Variants in NEGR1 observed in about 807,000 individuals in gnomAD.
The protein encoded by NEGR1 is IgLON family member 4.
NEGR1 carries 10 observed loss-of-function variants against 40.9 expected under a neutral mutation model. The observed-to-expected ratio is 0.24, with a 90% CI of 0.15 to 0.42. NEGR1 has a LOEUF of 0.42. Ranked by LOEUF, NEGR1 falls within the 10% of genes least tolerant of loss-of-function variation. The probability of loss-of-function intolerance (pLI) is 1.00; values close to 1 mark genes in which losing one functional copy is unlikely to be tolerated. For synonymous variants in NEGR1, 185 were observed against 166.8 expected (o/e 1.11, Z -0.84); for missense variants, 352 against 438.9 (o/e 0.80, Z 1.77).
At chr1:72,213,004 T>C (rs548921959) in intron 1 of NEGR1, among the ~76,000 whole-genome samples, 1 of 151,248 alleles carries the variant, frequency 6.6e-6, no homozygotes, top group African/African-American at 2.4e-5. Flanking sequence ...GGTTATGGAG[T>C]AGGGGTGAGA....
intron 1 of NEGR1, among the ~76,000 whole-genome samples, chr1:72,151,365 A>G (rs1651117816): frequency 6.6e-6 from 1 of 151,654 alleles, no homozygotes; most frequent in Non-Finnish European, 1.5e-5. Flanking sequence ...CAACGGAGAT[A>G]TAATGTTTTT....
chr1:72,233,131 G>T lies in NEGR1; in HGVS notation c.176+49188C>A, dbSNP rs750496440. 6.4e-4 allele frequency among the ~76,000 whole-genome samples: 98 copies of T among 152,028 alleles called. 1 individual carries two copies. The highest frequency in any genetic ancestry group is 7.9e-4 in the Non-Finnish European group (54 of 68,000). ...AAGGTAATACAGCTTCTATACCCAA[G>T]GAAATGAAAACACACAATAAGAAAA... is the stretch of plus-strand genomic sequence containing the variant. On this transcript the variant is annotated intron_variant, in intron 1 of 6. Transcript: ENST00000357731.
In NEGR1 at chr1:71,621,766, G is replaced by A. The variant is rs112444634; in HGVS notation, c.668-10620C>T. Among the ~76,000 whole-genome samples, 268 of 151,908 alleles carry A rather than the reference G, an allele frequency of 1.8e-3. 1 individual carries two copies. The highest frequency in any genetic ancestry group is 6.3e-3 in the African/African-American group (261 of 41,488). On this transcript the variant is annotated intron_variant, in intron 4 of 6. Coordinates refer to ENST00000357731, the MANE Select transcript of NEGR1 (RefSeq NM_173808.3). ...TTAACCTAAGAGATTATTTTCCTAA[G>A]ATCAAGTTCAATGTTATTATATTCA...
At chr1:72,257,889 A>G (rs1655327058) in intron 1 of NEGR1, among the ~76,000 whole-genome samples, 1 of 152,228 alleles carries the variant, frequency 6.6e-6, no homozygotes, top group Non-Finnish European at 1.5e-5. Context: ...TAAATCTCTG[A>G]ACATTCTGTG....
intron 1 of NEGR1, among the ~76,000 whole-genome samples, chr1:72,210,499 T>C (rs1342407982): frequency 6.6e-6 from 1 of 151,936 alleles, no homozygotes; most frequent in Non-Finnish European, 1.5e-5. Flanking sequence ...GAATAACTGA[T>C]GGAAAAAATC....
chr1:71,869,157 C>A (rs1020744003), intron 2 of NEGR1, among the ~76,000 whole-genome samples: 2 of 152,042 alleles, frequency 1.3e-5, no homozygotes, highest in African/African-American at 4.8e-5. Flanking sequence ...ATATTTAATA[C>A]CAACTACCTG....
At chr1:71,902,283 G>A (rs1570481592) in intron 2 of NEGR1, among the ~76,000 whole-genome samples, 1 of 152,106 alleles carries the variant, frequency 6.6e-6, no homozygotes, top group Non-Finnish European at 1.5e-5. Context: ...TGTGCTTTTA[G>A]TCTAAAGACA....
chr1:71,895,364 T>A (rs1660940910), intron 2 of NEGR1, among the ~76,000 whole-genome samples: 1 of 152,188 alleles, frequency 6.6e-6, no homozygotes, highest in Non-Finnish European at 1.5e-5. Flanking sequence ...GTGTGCACAA[T>A]TCAAAAGTTT....
chr1:71,562,756 A>C (rs1163159749), intron 6 of NEGR1, among the ~76,000 whole-genome samples: 1 of 152,020 alleles, frequency 6.6e-6, no homozygotes, highest in Non-Finnish European at 1.5e-5. Flanking sequence ...CTGTTATAAC[A>C]GTCAAGGTCT....
At chr1:72,177,621 A>C (rs951079507) in intron 1 of NEGR1, among the ~76,000 whole-genome samples, 1 of 152,064 alleles carries the variant, frequency 6.6e-6, no homozygotes, top group African/African-American at 2.4e-5. Context: ...ATTTTCTTAC[A>C]TAAAACATTA....
At chr1:71,653,039 C>T (rs1290861756) in intron 4 of NEGR1, among the ~76,000 whole-genome samples, 1 of 152,182 alleles carries the variant, frequency 6.6e-6, no homozygotes, top group African/African-American at 2.4e-5. Flanking sequence ...AGTACATTCA[C>T]TGATGCTAGG....
chr1:72,179,137 G>C (rs1484379448), intron 1 of NEGR1, among the ~76,000 whole-genome samples: 1 of 151,936 alleles, frequency 6.6e-6, no homozygotes, highest in Admixed American at 6.6e-5. Flanking sequence ...ATAGTGAGAG[G>C]TTTTACATTT....
rs543810731 is a variant in NEGR1, at chr1:71,931,402, G to A, written c.409+3677C>T. Among the ~76,000 whole-genome samples, 14 of 152,252 alleles carry A rather than the reference G, an allele frequency of 9.2e-5. No homozygotes were observed. In the South Asian group the frequency reaches 2.9e-3, roughly 32 times the overall value. ...GGAACCATGTCTTAGTCCATTTTAT[G>A]TTGTTATAACAGAATTTCCCAGATC... On this transcript the variant is annotated intron_variant, in intron 2 of 6. Coordinates refer to ENST00000357731, the MANE Select transcript of NEGR1 (RefSeq NM_173808.3).
intron 3 of NEGR1, among the ~76,000 whole-genome samples, chr1:71,772,567 T>TA (rs1430663150): frequency 6.6e-6 from 1 of 152,160 alleles, no homozygotes; most frequent in South Asian, 2.1e-4. Flanking sequence ...AAGTATTCTA[T>TA]AAAAAAACTA....
At chr1:71,966,893 G>A (rs1329520590) in intron 1 of NEGR1, among the ~76,000 whole-genome samples, 1 of 152,102 alleles carries the variant, frequency 6.6e-6, no homozygotes, top group Non-Finnish European at 1.5e-5. Context: ...CAAAGGACAA[G>A]AAAATAAGCA....
chr1:72,122,002 C>T (rs1649823670), intron 1 of NEGR1, among the ~76,000 whole-genome samples: 1 of 151,830 alleles, frequency 6.6e-6, no homozygotes, highest in Non-Finnish European at 1.5e-5. Context: ...AGATACCAAA[C>T]TAAATACCGA....
At position 72,142,092 on chromosome 1, in the gene NEGR1, T is replaced by C. The variant is rs115214981; in HGVS notation, c.176+140227A>G. Among the ~76,000 whole-genome samples the C allele has an allele frequency of 6.0e-3, 908 of 152,046 alleles. 6 individuals carry two copies. The highest frequency in any genetic ancestry group is 0.021 in the African/African-American group (859 of 41,514). On this transcript the variant is annotated intron_variant, in intron 1 of 6. Transcript: ENST00000357731. Reference sequence around the variant, plus strand: ...AACAAAGCATCTCCGTATCAGAGAATCAGACTGCAGAAGCTGGAGAAGGCC... The same window carrying C: ...AACAAAGCATCTCCGTATCAGAGAACCAGACTGCAGAAGCTGGAGAAGGCC...
intron 6 of NEGR1, among the ~76,000 whole-genome samples, chr1:71,480,267 A>G (rs918473182): frequency 6.6e-6 from 1 of 151,860 alleles, no homozygotes; most frequent in African/African-American, 2.4e-5. Context: ...TATTTTCCCA[A>G]TTTTGGAGAC....
intron 6 of NEGR1, among the ~76,000 whole-genome samples, chr1:71,440,638 C>T (rs74089345): frequency 0.05 from 7,625 of 152,240 alleles, 404 homozygotes; most frequent in African/African-American, 0.13. Flanking sequence ...CAGCATCAAC[C>T]TCAGCTGGGA....
Sources: gnomAD v4.1 joint callset for allele counts (sites outside exome capture counted in the v4.1 genomes callset) on GRCh38, gnomAD v4.1.1 for gene constraint, MANE v1.5 for transcripts, NCBI Gene and HGNC (gene_info 2026-07-23, HGNC 2026-07-21) for gene names.